The following KIAA1586 variants were observed in gnomAD, a reference collection of about 807,000 sequenced individuals.
The protein encoded by KIAA1586 is E3 SUMO-protein ligase KIAA1586.
KIAA1586 carries 5 observed loss-of-function variants against 6.1 expected under a neutral mutation model. The observed-to-expected ratio is 0.82, with a 90% CI of 0.43 to 1.73. The LOEUF (loss-of-function observed/expected upper bound fraction) is 1.73. Among genes scored for constraint, KIAA1586 ranks in the 40% most tolerant of loss-of-function variants. The pLI, the probability that KIAA1586 is intolerant of heterozygous loss-of-function variation, is 0.02. For synonymous variants in KIAA1586, 280 were observed against 301.7 expected (o/e 0.93, Z 0.75); for missense variants, 899 against 878.2 (o/e 1.02, Z -0.30).
chr6:57,054,137 A>G lies in KIAA1586; in HGVS notation c.1638A>G (p.Arg546=). The change falls in exon 4 of 4, where the codon AGA becomes AGG. Residue 546 remains arginine, a synonymous_variant. Transcript: ENST00000370733. ...TACTTTCAACTGCATTACAGTCAAGATCAACTAATATTAAGAAAGCACAAA... is the reference window on the plus strand; with the variant it reads ...TACTTTCAACTGCATTACAGTCAAGGTCAACTAATATTAAGAAAGCACAAA... ...FSVLSTALQS[R]STNIKKAQKL... 4 of 1,594,702 alleles carry G rather than the reference A, an allele frequency of 2.5e-6. No individual in the cohort carries two copies. Among genetic ancestry groups the G allele is most frequent in the Non-Finnish European group, 3.4e-6 (4 of 1,172,612 alleles).
chr6:57,050,803 CA>C lies in KIAA1586; in HGVS notation c.136del (p.Ile46SerfsTer34). On this transcript the variant is annotated frameshift_variant, in exon 3 of 4. Coordinates refer to ENST00000370733, the MANE Select transcript of KIAA1586 (RefSeq NM_020931.4). LOFTEE classifies it low-confidence loss of function (END_TRUNC). ...GACCATCGAGACCTGTTCTTGAATA[CA>C]TCGATCTGGTCTGTGGTGATGATGA... ...EGPSRPVLEYIDLVCGDDENP... is the reference protein window; with the variant it reads ...EGPSRPVLEYXDLVCGDDENP... 2 of 1,613,390 alleles carry C rather than the reference CA, an allele frequency of 1.2e-6. No individual in the cohort carries two copies. Among genetic ancestry groups the C allele is most frequent in the Non-Finnish European group, 1.7e-6 (2 of 1,179,472 alleles).
rs533441760 is a variant in KIAA1586 at position 57,054,405 on chromosome 6, C to G, written c.1906C>G (p.Pro636Ala). 25 of 1,609,854 alleles carry G rather than the reference C, an allele frequency of 1.6e-5. 2 individuals carry two copies. The South Asian group carries it at 1.8e-4, about 11-fold the overall frequency. Reference protein sequence around the residue: ...DIFNYFDLLEPSTWPYEEITS... With the variant: ...DIFNYFDLLEASTWPYEEITS... ...TTTTAATTACTTTGATTTGCTGGAA[C>G]CTTCCACATGGCCTTATGAAGAAAT... Residue 636 changes from proline to alanine, a missense_variant, in exon 4 of 4, where the codon CCT (proline) becomes GCT (alanine). Coordinates refer to ENST00000370733, the MANE Select transcript of KIAA1586 (RefSeq NM_020931.4).
the KIAA1586 span, among the ~76,000 whole-genome samples, chr6:57,063,339 C>G: frequency 6.6e-6 from 1 of 150,890 alleles, no homozygotes; most frequent in Non-Finnish European, 1.5e-5. Flanking sequence ...GTTTGTTTTA[C>G]TTTGTATTTA....
At chr6:57,060,517 G>T in the KIAA1586 span, among the ~76,000 whole-genome samples, 7 of 152,158 alleles carry the variant, frequency 4.6e-5, no homozygotes, top group South Asian at 2.1e-4. Flanking sequence ...GGTCTATGAA[G>T]TCTAACATAT....
the KIAA1586 span, among the ~76,000 whole-genome samples, chr6:57,062,690 G>T: frequency 1.6e-4 from 24 of 152,300 alleles, no homozygotes; most frequent in Middle Eastern, 3.4e-3. Context: ...GTTACAACAG[G>T]AAGGGAAAGT....
the KIAA1586 span, among the ~76,000 whole-genome samples, chr6:57,065,335 C>A: frequency 6.6e-6 from 1 of 152,094 alleles, no homozygotes; most frequent in African/African-American, 2.4e-5. Context: ...TGTGCTCATA[C>A]CAAAGAGGTA....
the KIAA1586 span, among the ~76,000 whole-genome samples, chr6:57,064,191 T>C: frequency 1.3e-5 from 2 of 152,200 alleles, no homozygotes; most frequent in Non-Finnish European, 2.9e-5. Flanking sequence ...TTCCAAAATA[T>C]ATAGTTGGTG....
At chr6:57,056,450 G>A (rs1333536185), downstream of KIAA1586, among the ~76,000 whole-genome samples, 1 of 149,622 alleles carries the variant, frequency 6.7e-6, no homozygotes, top group Non-Finnish European at 1.5e-5. Flanking sequence ...CTCAGGTGAT[G>A]CGCCTGCCTC....
In KIAA1586 at chr6:57,054,466, T is replaced by C. The variant is rs2127912078; in HGVS notation, c.1967T>C (p.Phe656Ser). ...SPWIAGEKTLFHLCKILKYEV... is the reference protein window; with the variant it reads ...SPWIAGEKTLSHLCKILKYEV... ...TGGATAGCTGGTGAAAAAACATTAT[T>C]TCATTTGTGTAAAATTTTAAAATAT... The change falls in exon 4 of 4, where the codon TTT (phenylalanine) becomes TCT (serine). Residue 656 changes from phenylalanine (F) to serine (S), a missense_variant. Physicochemically the swap from Phe to Ser is radical, Grantham distance 155. Transcript: ENST00000370733. 1.2e-6 allele frequency: 2 copies of C among 1,602,676 alleles called. No individual in the cohort carries two copies. The highest frequency in any genetic ancestry group is 4.5e-5 in the East Asian group (2 of 44,740).
At chr6:57,057,835 G>A (rs1038608942), downstream of KIAA1586, among the ~76,000 whole-genome samples, 3 of 151,982 alleles carry the variant, frequency 2.0e-5, no homozygotes, top group African/African-American at 7.3e-5. Context: ...ACAGGGTCTT[G>A]CTTTGTCGCC....
At chr6:57,056,573 G>C (rs1243093083), downstream of KIAA1586, among the ~76,000 whole-genome samples, 3 of 150,360 alleles carry the variant, frequency 2.0e-5, no homozygotes, top group African/African-American at 7.3e-5. Context: ...GAGAGGGGAG[G>C]GTCCTGCTAT....
chr6:57,053,944 C>T lies in KIAA1586; in HGVS notation c.1445C>T (p.Pro482Leu). ...EIIKIGRVMGPRWAACSLQAA... is the reference protein window; with the variant it reads ...EIIKIGRVMGLRWAACSLQAA... ...ATTAAAATTGGTCGAGTAATGGGAC[C>T]AAGATGGGCGGCATGTAGTTTACAA... Residue 482 changes from proline (P) to leucine (L), a missense_variant, in exon 4 of 4, where the codon CCA (proline) becomes CTA (leucine). Physicochemically the swap from Pro to Leu is moderately conservative, Grantham distance 98 (BLOSUM62 -3). Coordinates refer to ENST00000370733, the MANE Select transcript of KIAA1586 (RefSeq NM_020931.4). The T allele has an allele frequency of 5.0e-6, 8 of 1,584,980 alleles. No individual in the cohort carries two copies. The highest frequency in any genetic ancestry group is 6.8e-6 in the Non-Finnish European group (8 of 1,169,942).
At chr6:57,063,454 T>C in the KIAA1586 span, among the ~76,000 whole-genome samples, 1 of 136,978 alleles carries the variant, frequency 7.3e-6, no homozygotes, top group Non-Finnish European at 1.6e-5. Context: ...TTATTTCTTT[T>C]TTTTTTTTTT....
chr6:57,061,769 C>T, the KIAA1586 span, among the ~76,000 whole-genome samples: 2 of 151,480 alleles, frequency 1.3e-5, no homozygotes, highest in Non-Finnish European at 2.9e-5. Context: ...TGTGAATATA[C>T]CATTAGAAAT....
At position 57,046,693 on chromosome 6, in the gene KIAA1586, G is replaced by A. The variant is rs540024855; in HGVS notation, c.-63G>A. 1 of 1,603,166 alleles carries A rather than the reference G, an allele frequency of 6.2e-7. No individual in the cohort carries two copies. The highest frequency in any genetic ancestry group is 8.5e-7 in the Non-Finnish European group (1 of 1,175,178). Reference sequence around the variant, plus strand: ...GGCGGTGCAGGGCGGGAAGGGGAGTGGTGGCGGCTGCGGCAGTAGGGACAG... The same window carrying A: ...GGCGGTGCAGGGCGGGAAGGGGAGTAGTGGCGGCTGCGGCAGTAGGGACAG... On this transcript the variant is annotated 5_prime_UTR_variant, in exon 1 of 4. Coordinates refer to ENST00000370733, the MANE Select transcript of KIAA1586 (RefSeq NM_020931.4).
the KIAA1586 span, among the ~76,000 whole-genome samples, chr6:57,066,401 A>G: frequency 6.6e-6 from 1 of 152,146 alleles, no homozygotes; most frequent in African/African-American, 2.4e-5. Flanking sequence ...TAATAGTTTT[A>G]TTAAAAACTA....
chr6:57,054,821 A>C lies in KIAA1586; in HGVS notation c.2322A>C (p.Lys774Asn). ...CAAGAGTTCGGCAAAAGTCAACAAA[A>C]GTCTTCCATGAGAATCAATTGGCTA... ...TDTRVRQKSTKVFHENQLAIW... is the reference protein window; with the variant it reads ...TDTRVRQKSTNVFHENQLAIW... The change falls in exon 4 of 4, where the codon AAA becomes AAC. Residue 774 changes from lysine to asparagine, a missense_variant. Lys to Asn is a moderately conservative substitution (Grantham distance 94, BLOSUM62 0). Transcript: ENST00000370733. 9 of 1,551,004 alleles carry C rather than the reference A, an allele frequency of 5.8e-6. No homozygotes were observed. The highest frequency in any genetic ancestry group is 7.8e-6 in the Non-Finnish European group (9 of 1,146,560).
the KIAA1586 span, among the ~76,000 whole-genome samples, chr6:57,066,792 A>T: frequency 2.0e-5 from 3 of 152,104 alleles, no homozygotes; most frequent in Non-Finnish European, 4.4e-5. Context: ...CCTTACCTCC[A>T]TCATTCATTG....
intron 1 of KIAA1586, 66 bp downstream of exon 1, chr6:57,046,842 G>C: frequency 5.1e-6 from 8 of 1,579,136 alleles, no homozygotes; most frequent in Non-Finnish European, 6.9e-6. Context: ...TGTTTTCTGC[G>C]GTCTGAGGCC....
Sources: allele counts gnomAD v4.1 joint callset (sites outside exome capture counted in the v4.1 genomes callset), GRCh38; gene constraint gnomAD v4.1.1; transcripts MANE v1.5; gene names NCBI Gene and HGNC (gene_info 2026-07-23, HGNC 2026-07-21).